Variants in CADPS observed in about 807,000 individuals in gnomAD.
CADPS encodes the protein calcium-dependent secretion activator 1.
A neutral mutation model predicts 167.3 loss-of-function variants in CADPS; 57 were observed. The observed-to-expected ratio is 0.34, with a 90% CI of 0.28 to 0.42. CADPS has a LOEUF of 0.42. CADPS is among the 20% of genes least tolerant of loss of function. The pLI is 1.00. For missense variants in CADPS, 1,414 were observed against 1,738.1 expected (o/e 0.81, Z 3.32); for synonymous variants, 676 against 635.3 (o/e 1.06, Z -0.96).
At chr3:62,846,037 A>G (rs992069619) in intron 1 of CADPS, among the ~76,000 whole-genome samples, 31 of 143,744 alleles carry the variant, frequency 2.2e-4, no homozygotes, top group Admixed American at 1.8e-3. Flanking sequence ...TTGAAAGTGT[A>G]TATCATTTCC....
intron 27 of CADPS, among the ~76,000 whole-genome samples, chr3:62,445,162 C>G (rs775893492): frequency 6.6e-6 from 1 of 152,118 alleles, no homozygotes. Context: ...TGGGAAACTT[C>G]GAGTGCTTTA....
chr3:62,476,550 C>T (rs2061352835), intron 23 of CADPS, among the ~76,000 whole-genome samples: 1 of 152,070 alleles, frequency 6.6e-6, no homozygotes, highest in South Asian at 2.1e-4. Flanking sequence ...TAAGGAACGC[C>T]AAATGAAAAA....
intron 1 of CADPS, among the ~76,000 whole-genome samples, chr3:62,805,236 T>G (rs1017898825): frequency 6.6e-6 from 1 of 152,210 alleles, no homozygotes; most frequent in South Asian, 2.1e-4. Flanking sequence ...CTCACTGTTA[T>G]TGAGAATTCA....
intron 8 of CADPS, among the ~76,000 whole-genome samples, chr3:62,576,788 T>TTTAA (rs1553936618): frequency 9.4e-4 from 28 of 29,864 alleles, no homozygotes; most frequent in South Asian, 2.3e-3. Flanking sequence ...AGACTCTGTC[T>TTTAA]AAAAAAAAAA....
rs761880928 is a variant in CADPS, at chr3:62,478,552, C to T, written c.3174-136G>A. On this transcript the variant is annotated intron_variant, in intron 22 of 29. Transcript: ENST00000383710. The surrounding 1 kb of genome is among the most constrained non-coding windows in gnomAD (Gnocchi z 5.7). ...AAACAACGTGTGTTGGCGGTGGAGG[C>T]GGGGGCGAGTCTCCACCGGCAGATT... 1.8e-5 allele frequency: 14 copies of T among 769,236 alleles called. No individual in the cohort carries two copies. The highest frequency in any genetic ancestry group is 3.6e-5 in the South Asian group (2 of 54,800). 47.7% of individuals were successfully genotyped at this position (769,236 alleles called of 1,614,324 possible).
At chr3:62,640,284 C>A (rs2067161114) in intron 6 of CADPS, among the ~76,000 whole-genome samples, 1 of 152,152 alleles carries the variant, frequency 6.6e-6, no homozygotes, top group Non-Finnish European at 1.5e-5. Flanking sequence ...AAGGAAGCAC[C>A]ATTAAGAAGA....
In CADPS at chr3:62,675,691, T is replaced by A. The variant is rs77273621; in HGVS notation, c.889-13297A>T. Among the ~76,000 whole-genome samples the A allele has an allele frequency of 9.0e-3, 1,373 of 152,252 alleles. 24 individuals carry two copies. The highest frequency in any genetic ancestry group is 0.031 in the African/African-American group (1,306 of 41,564). Reference sequence around the variant, plus strand: ...GTCTCGTAATCTAATTTACTTCTAATGTACCTACAAGTTCCCAGCCTGAGA... The same window carrying A: ...GTCTCGTAATCTAATTTACTTCTAAAGTACCTACAAGTTCCCAGCCTGAGA... On this transcript the variant is annotated intron_variant, in intron 3 of 29. Transcript: ENST00000383710.
rs77995157 is a variant in CADPS at position 62,845,086 on chromosome 3, A to G, written c.441+29503T>C. ...GCTCCACTGGACACAGGATGCTATC[A>G]CTGTGGGTAGAATAAGTTCTAAGTG... On this transcript the variant is annotated intron_variant, in intron 1 of 29. Transcript: ENST00000383710. Among the ~76,000 whole-genome samples, 740 of 152,258 alleles carry G rather than the reference A, an allele frequency of 4.9e-3. 3 individuals are homozygous for G. The highest frequency in any genetic ancestry group is 0.017 in the African/African-American group (700 of 41,554).
At chr3:62,653,322 T>G (rs767634267) in intron 4 of CADPS, among the ~76,000 whole-genome samples, 17 of 152,198 alleles carry the variant, frequency 1.1e-4, no homozygotes, top group Non-Finnish European at 2.5e-4. Context: ...CATTTGTTCC[T>G]GCCAGCATGT....
At chr3:62,695,516 C>T (rs956879461) in intron 3 of CADPS, among the ~76,000 whole-genome samples, 1 of 152,032 alleles carries the variant, frequency 6.6e-6, no homozygotes, top group African/African-American at 2.4e-5. Context: ...GAAACATTTA[C>T]CTGACTATCC....
chr3:62,557,232 C>T (rs917463137), intron 10 of CADPS, among the ~76,000 whole-genome samples, 173 bp downstream of exon 10: 2 of 152,002 alleles, frequency 1.3e-5, no homozygotes, highest in South Asian at 2.1e-4. Flanking sequence ...TTTAACCAAC[C>T]GGGATGGAAA....
At chr3:62,727,658 T>A (rs975334849) in intron 3 of CADPS, among the ~76,000 whole-genome samples, 1 of 151,886 alleles carries the variant, frequency 6.6e-6, no homozygotes, top group Admixed American at 6.6e-5. Flanking sequence ...ACAATAATAC[T>A]AATACAACAC....
chr3:62,858,101 A>G (rs2080056672), intron 1 of CADPS, among the ~76,000 whole-genome samples: 1 of 152,218 alleles, frequency 6.6e-6, no homozygotes. Flanking sequence ...TACTGTAAAT[A>G]AGAAAAACTA....
At chr3:62,682,294 G>T (rs1452554051) in intron 3 of CADPS, among the ~76,000 whole-genome samples, 2 of 151,846 alleles carry the variant, frequency 1.3e-5, no homozygotes, top group African/African-American at 4.8e-5. Context: ...TTTAGCACAG[G>T]GAATCTACAC....
At chr3:62,766,257 C>T (rs141219200) in intron 1 of CADPS, among the ~76,000 whole-genome samples, 184 of 152,264 alleles carry the variant, frequency 1.2e-3, no homozygotes, top group African/African-American at 4.1e-3. Context: ...TACCACATTT[C>T]ACTTTCATCA....
intron 13 of CADPS, among the ~76,000 whole-genome samples, chr3:62,522,351 C>T (rs2070884635): frequency 6.6e-6 from 1 of 152,114 alleles, no homozygotes; most frequent in South Asian, 2.1e-4. Flanking sequence ...GTTGCCCAGG[C>T]TGGTCTCTAA....
At chr3:62,631,993 G>A (rs2065371939) in intron 6 of CADPS, among the ~76,000 whole-genome samples, 1 of 152,108 alleles carries the variant, frequency 6.6e-6, no homozygotes, top group African/African-American at 2.4e-5. Flanking sequence ...CCCAGGATGG[G>A]GCAATGCCAA....
chr3:62,427,032 G>A (rs1273006297), intron 28 of CADPS, among the ~76,000 whole-genome samples: 4 of 146,944 alleles, frequency 2.7e-5, no homozygotes, highest in South Asian at 2.2e-4. Flanking sequence ...CAGAGATTGC[G>A]CCACTACACT....
chr3:62,592,106 C>T (rs2086184944), intron 7 of CADPS, among the ~76,000 whole-genome samples: 1 of 152,190 alleles, frequency 6.6e-6, no homozygotes, highest in South Asian at 2.1e-4. Context: ...GTCACCACTA[C>T]AGCATACATC....
Sources: allele counts gnomAD v4.1 joint callset (sites outside exome capture counted in the v4.1 genomes callset), GRCh38; gene constraint gnomAD v4.1.1; non-coding constraint Gnocchi (gnomAD v3.1); transcripts MANE v1.5; gene names NCBI Gene and HGNC (gene_info 2026-07-23, HGNC 2026-07-21).